Variants in CCSER2 observed in about 807,000 individuals in gnomAD.
CCSER2 encodes serine-rich coiled-coil domain-containing protein 2.
Under a neutral mutation model 92.3 loss-of-function variants are expected in CCSER2, and 46 were observed. The ratio of observed to expected loss-of-function variants is 0.50; its 90% CI spans 0.39 to 0.64. The LOEUF is 0.64. Ranked by LOEUF, CCSER2 falls within the 30% of genes least tolerant of loss-of-function variation. The pLI, the probability that CCSER2 is intolerant of heterozygous loss-of-function variation, is 0.00. For missense variants in CCSER2, 1,244 were observed against 1,238.9 expected, an observed-to-expected ratio of 1.00 and a Z score of -0.06; for synonymous variants, 433 against 431.4, an observed-to-expected ratio of 1.00 and a Z score of -0.04.
chr10:84,409,326 G>A (rs1842531367), intron 3 of CCSER2, among the ~76,000 whole-genome samples: 1 of 151,554 alleles, frequency 6.6e-6, no homozygotes, highest in Admixed American at 6.6e-5. Context: ...TTTTTGTAGA[G>A]ATGGGATCTC....
intron 9 of CCSER2, among the ~76,000 whole-genome samples, chr10:84,478,906 C>T (rs986170651): frequency 3.3e-5 from 5 of 152,100 alleles, no homozygotes; most frequent in African/African-American, 7.2e-5. Flanking sequence ...ATGTCAAAGG[C>T]GGTGGAAGCT....
chr10:84,418,762 T>C (rs1842996759), intron 4 of CCSER2, among the ~76,000 whole-genome samples: 1 of 152,200 alleles, frequency 6.6e-6, no homozygotes, highest in Non-Finnish European at 1.5e-5. Context: ...CTTTTATTTT[T>C]CCTGCCAGAA....
intron 1 of CCSER2, among the ~76,000 whole-genome samples, chr10:84,349,361 C>T (rs532146305): frequency 6.6e-6 from 1 of 152,286 alleles, no homozygotes; most frequent in African/African-American, 2.4e-5. Context: ...TAGTTTCTCT[C>T]TCCCCTATAT....
chr10:84,512,281 C>T (rs936545740), intron 9 of CCSER2, among the ~76,000 whole-genome samples: 5 of 151,990 alleles, frequency 3.3e-5, no homozygotes, highest in Admixed American at 1.3e-4. Context: ...GCAAAAAAAA[C>T]TTATTAGTGA....
intron 6 of CCSER2, among the ~76,000 whole-genome samples, chr10:84,448,139 A>G (rs1294509676): frequency 1.3e-5 from 2 of 151,992 alleles, no homozygotes; most frequent in African/African-American, 4.8e-5. Flanking sequence ...GACACTGCAC[A>G]TCAGTTGAGT....
chr10:84,361,160 T>TCATTCTCTTGA (rs1162946137), intron 1 of CCSER2, among the ~76,000 whole-genome samples: 1 of 152,256 alleles, frequency 6.6e-6, no homozygotes, highest in East Asian at 1.9e-4. Flanking sequence ...TCTTGAATGC[T>TCATTCTCTTGA]AGGTTGAGGC....
At chr10:84,439,759 G>C (rs1427203883) in intron 6 of CCSER2, among the ~76,000 whole-genome samples, 1 of 152,168 alleles carries the variant, frequency 6.6e-6, no homozygotes, top group Admixed American at 6.5e-5. Flanking sequence ...ATATGAGATT[G>C]TTAACTTCTC....
At chr10:84,337,078 A>G (rs1307742005) in intron 1 of CCSER2, among the ~76,000 whole-genome samples, 1 of 152,196 alleles carries the variant, frequency 6.6e-6, no homozygotes, top group Non-Finnish European at 1.5e-5. Context: ...GAGTGGAGAT[A>G]TGGTGAAGAG....
chr10:84,494,240 T>C (rs1307095174), intron 9 of CCSER2, among the ~76,000 whole-genome samples: 1 of 152,192 alleles, frequency 6.6e-6, no homozygotes, highest in South Asian at 2.1e-4. Context: ...GACATTCCGA[T>C]GGCATTTGTG....
At chr10:84,476,257 G>C (rs1847130508) in intron 8 of CCSER2, among the ~76,000 whole-genome samples, 1 of 152,042 alleles carries the variant, frequency 6.6e-6, no homozygotes, top group Non-Finnish European at 1.5e-5. Context: ...TCTGATTGCA[G>C]TTAAGAAAAA....
intron 6 of CCSER2, among the ~76,000 whole-genome samples, chr10:84,442,603 A>G (rs1256041216): frequency 6.6e-6 from 1 of 152,078 alleles, no homozygotes; most frequent in Non-Finnish European, 1.5e-5. Flanking sequence ...CTCTTTTCTC[A>G]TTTCTAATTC....
At chr10:84,428,861 C>CT (rs947629948) in intron 5 of CCSER2, among the ~76,000 whole-genome samples, 4 of 151,476 alleles carry the variant, frequency 2.6e-5, no homozygotes, top group East Asian at 3.9e-4. Flanking sequence ...TGGAGATAAT[C>CT]TTTTTTTTCC....
rs1221957177 is a variant in CCSER2 at position 84,517,593 on chromosome 10, G to C, written c.*3326G>C. ...TATCGAATTGCCTCCTATTGGGTGT[G>C]GCTTTGTTGAAATAAATTTGTAATT... On this transcript the variant is annotated 3_prime_UTR_variant, in exon 10 of 10. Coordinates refer to ENST00000372088, the MANE Select transcript of CCSER2 (RefSeq NM_001284240.2). 6.6e-6 allele frequency: 1 copy of C among 152,580 alleles called. No homozygotes were observed. Among genetic ancestry groups the C allele is most frequent in the Non-Finnish European group, 1.5e-5 (1 of 68,040 alleles). The allele number at this position is 152,580 out of a possible 1,614,324, so 9.5% of individuals were successfully genotyped here. A position where few individuals can be genotyped will look rare whatever the true frequency, so the allele number is the denominator to read the frequency against.
chr10:84,397,297 A>G (rs893006780), intron 3 of CCSER2, among the ~76,000 whole-genome samples: 3 of 152,226 alleles, frequency 2.0e-5, no homozygotes, highest in African/African-American at 7.2e-5. Context: ...TCCTTAAGAT[A>G]TGAAATTCTG....
chr10:84,381,011 C>T (rs1247693841), intron 3 of CCSER2, among the ~76,000 whole-genome samples: 1 of 151,992 alleles, frequency 6.6e-6, no homozygotes, highest in Non-Finnish European at 1.5e-5. Context: ...CTCTGTGTTC[C>T]TTTTTAAAAA....
At chr10:84,460,978 A>G (rs1846071252) in intron 6 of CCSER2, among the ~76,000 whole-genome samples, 1 of 151,788 alleles carries the variant, frequency 6.6e-6, no homozygotes, top group African/African-American at 2.4e-5. Context: ...TCTGCTCTTG[A>G]TTATTTTCTT....
chr10:84,475,912 G>A (rs1293798733), intron 8 of CCSER2, among the ~76,000 whole-genome samples: 3 of 151,740 alleles, frequency 2.0e-5, no homozygotes, highest in Admixed American at 2.0e-4. Context: ...AGCACACTGT[G>A]GCCTCAACCT....
intron 5 of CCSER2, among the ~76,000 whole-genome samples, chr10:84,429,837 T>C (rs1843666123): frequency 6.6e-6 from 1 of 151,228 alleles, no homozygotes; most frequent in Non-Finnish European, 1.5e-5. Context: ...TACGGGAATG[T>C]ATGAGCATCA....
intron 8 of CCSER2, among the ~76,000 whole-genome samples, chr10:84,473,766 G>A (rs770856068): frequency 9.3e-4 from 142 of 152,144 alleles, no homozygotes; most frequent in Admixed American, 1.7e-3. Context: ...AGGAATTAAA[G>A]GACTTGTTTC....
Sources: allele counts gnomAD v4.1 joint callset (sites outside exome capture counted in the v4.1 genomes callset), GRCh38; gene constraint gnomAD v4.1.1; transcripts MANE v1.5; gene names NCBI Gene and HGNC (gene_info 2026-07-23, HGNC 2026-07-21).